Variants in RAB6A observed in about 807,000 individuals in gnomAD.
RAB6A encodes RAB6A, member RAS oncogene family.
A neutral mutation model predicts 32.3 loss-of-function variants in RAB6A; 8 were observed. The observed-to-expected ratio is 0.25, with a 90% confidence interval of 0.15 to 0.45. The LOEUF (loss-of-function observed/expected upper bound fraction) is 0.45, where lower values mean the gene tolerates loss of function less well. Ranked by LOEUF, RAB6A falls within the 20% of genes least tolerant of loss-of-function variation. The probability of loss-of-function intolerance (pLI) is 1.00; values close to 1 mark genes in which losing one functional copy is unlikely to be tolerated. For synonymous variants in RAB6A, 73 were observed against 82.1 expected (o/e 0.89, Z 0.60); for missense variants, 104 against 249.4 (o/e 0.42, Z 3.93).
At chr11:73,685,885 C>CAAAAAAAAAAAAAAAAAA (rs56270679) in intron 6 of RAB6A, among the ~76,000 whole-genome samples, 4 of 103,040 alleles carry the variant, frequency 3.9e-5, no homozygotes, top group Admixed American at 2.0e-4. Context: ...AACTCCGTCT[C>CAAAAAAAAAAAAAAAAAA]AAAAAAAAAA....
chr11:73,716,225 T>G, intron 5 of RAB6A, 26 bp downstream of exon 5: 2 of 1,511,614 alleles, frequency 1.3e-6, no homozygotes, highest in Non-Finnish European at 1.8e-6. Flanking sequence ...AATCAAACAT[T>G]ACACACATAT....
chr11:73,685,500 G>A (rs1384317226), intron 6 of RAB6A, among the ~76,000 whole-genome samples: 1 of 147,024 alleles, frequency 6.8e-6, no homozygotes, highest in Non-Finnish European at 1.5e-5. Flanking sequence ...TGATAGCCAG[G>A]ATGGTCTCGA....
In RAB6A at chr11:73,760,914, C is replaced by A; in HGVS notation, c.-279G>T. 1 of 406,054 alleles carries A rather than the reference C, an allele frequency of 2.5e-6. No individual in the cohort carries two copies. The highest frequency in any genetic ancestry group is 4.6e-6 in the Non-Finnish European group (1 of 217,480). The allele number at this position is 406,054 out of a possible 1,614,324, so 25.2% of individuals were successfully genotyped here. A position where few individuals can be genotyped will look rare whatever the true frequency, so the allele number is the denominator to read the frequency against. The stretch of plus-strand genomic sequence containing the variant: ...GGAGCCAGGGGTGTCCTCTGGCTTC[C>A]CAAAGCTAGGGCCGTTCCCTCCTTC... On this transcript the variant is annotated 5_prime_UTR_variant, in exon 1 of 8. Coordinates refer to ENST00000336083, the MANE Select transcript of RAB6A (RefSeq NM_198896.2).
At chr11:73,705,854 C>T (rs1046656968) in intron 6 of RAB6A, among the ~76,000 whole-genome samples, 3 of 150,090 alleles carry the variant, frequency 2.0e-5, no homozygotes, top group Non-Finnish European at 2.9e-5. Flanking sequence ...GAGATCAGGT[C>T]GGTGAAAACA....
chr11:73,748,617 G>T (rs2135008098), intron 1 of RAB6A, among the ~76,000 whole-genome samples: 2 of 152,294 alleles, frequency 1.3e-5, no homozygotes, highest in South Asian at 4.1e-4. Context: ...TTAAAGCTAT[G>T]TAACAGCTAA....
At chr11:73,750,548 G>T (rs1017190167) in intron 1 of RAB6A, among the ~76,000 whole-genome samples, 5 of 151,984 alleles carry the variant, frequency 3.3e-5, no homozygotes, top group Non-Finnish European at 7.4e-5. Flanking sequence ...TAGATGGGGG[G>T]GTTTCTCCAT....
chr11:73,700,922 TA>T (rs1462612759), intron 6 of RAB6A, among the ~76,000 whole-genome samples: 4 of 152,136 alleles, frequency 2.6e-5, no homozygotes, highest in Non-Finnish European at 5.9e-5. Context: ...TATTATTGGG[TA>T]AAATAAACTG....
chr11:73,718,856 T>C (rs751179397), intron 3 of RAB6A, 138 bp from the exon 4 acceptor site: 1 of 1,613,456 alleles, frequency 6.2e-7, no homozygotes, highest in Non-Finnish European at 8.5e-7. Context: ...ACGGAAACGT[T>C]CCTGACCCGC....
At chr11:73,693,405 A>G (rs1007048468) in intron 6 of RAB6A, among the ~76,000 whole-genome samples, 1 of 152,182 alleles carries the variant, frequency 6.6e-6, no homozygotes, top group African/African-American at 2.4e-5. Flanking sequence ...CAGTAGGTAC[A>G]TGAATCAGAG....
intron 5 of RAB6A, among the ~76,000 whole-genome samples, chr11:73,712,148 G>T (rs1243707584): frequency 6.6e-6 from 1 of 152,072 alleles, no homozygotes; most frequent in Non-Finnish European, 1.5e-5. Flanking sequence ...CCAGAATTCA[G>T]TTAGTCCTTA....
At chr11:73,695,628 C>A (rs1028122735) in intron 6 of RAB6A, among the ~76,000 whole-genome samples, 2 of 152,162 alleles carry the variant, frequency 1.3e-5, no homozygotes, top group African/African-American at 4.8e-5. Flanking sequence ...AATCTGCCCA[C>A]CTTGGCCTCC....
intron 1 of RAB6A, among the ~76,000 whole-genome samples, chr11:73,755,034 T>C (rs990950742): frequency 6.9e-4 from 104 of 151,768 alleles, no homozygotes; most frequent in African/African-American, 1.1e-3. Context: ...GGGACTCTCC[T>C]GCCTCAGCCT....
intron 5 of RAB6A, among the ~76,000 whole-genome samples, chr11:73,710,796 A>G (rs1265567676): frequency 1.3e-5 from 2 of 150,910 alleles, no homozygotes; most frequent in Non-Finnish European, 1.5e-5. Context: ...TGTTGCACAT[A>G]TAAGTGCGGT....
intron 1 of RAB6A, among the ~76,000 whole-genome samples, chr11:73,733,189 T>G (rs1187137715): frequency 3.9e-5 from 6 of 152,126 alleles, no homozygotes; most frequent in Non-Finnish European, 8.8e-5. Context: ...GATTTTTTTG[T>G]TGTTGTTGTT....
chr11:73,736,408 AAC>A (rs908005147), intron 1 of RAB6A, among the ~76,000 whole-genome samples: 1 of 144,906 alleles, frequency 6.9e-6, no homozygotes, highest in African/African-American at 2.6e-5. Flanking sequence ...CAGCCTGGGC[AAC>A]AGAGAAAGAC....
At chr11:73,695,372 TTTTTTTG>T (rs1165815163) in intron 6 of RAB6A, among the ~76,000 whole-genome samples, 4 of 90,484 alleles carry the variant, frequency 4.4e-5, no homozygotes, top group Non-Finnish European at 1.2e-4. Context: ...AAGTATCCAG[TTTTTTTG>T]TTTTTTTTTT....
chr11:73,741,591 T>C (rs1946496607), intron 1 of RAB6A, among the ~76,000 whole-genome samples: 1 of 151,810 alleles, frequency 6.6e-6, no homozygotes, highest in Non-Finnish European at 1.5e-5. Flanking sequence ...CTGGCAAAAC[T>C]TGAAAGCAAC....
chr11:73,692,510 A>G (rs901802264), intron 6 of RAB6A, among the ~76,000 whole-genome samples: 17 of 150,086 alleles, frequency 1.1e-4, no homozygotes, highest in African/African-American at 3.7e-4. Flanking sequence ...CTCAAAAAAA[A>G]AAAAAAAAAA....
chr11:73,693,556 C>CT (rs891656563), intron 6 of RAB6A, among the ~76,000 whole-genome samples: 2,532 of 119,024 alleles, frequency 0.021, 53 homozygotes, highest in South Asian at 0.031. Context: ...AAGACTCCAT[C>CT]TTTTTTTTTT....
Sources: allele counts gnomAD v4.1 joint callset (sites outside exome capture counted in the v4.1 genomes callset), GRCh38; gene constraint gnomAD v4.1.1; transcripts MANE v1.5; gene names NCBI Gene and HGNC (gene_info 2026-07-23, HGNC 2026-07-21).